PTK2B: variants seen among roughly 807,000 people sequenced by gnomAD.
The protein encoded by PTK2B is protein-tyrosine kinase 2-beta.
Under a neutral mutation model 142.9 loss-of-function variants are expected in PTK2B, and 71 were observed. The ratio of observed to expected loss-of-function variants is 0.50; its 90% CI spans 0.41 to 0.61. The LOEUF is 0.61. Ranked by LOEUF, PTK2B falls within the 20% of genes least tolerant of loss-of-function variation. The pLI is 0.00. For missense variants in PTK2B, 1,105 were observed against 1,320.4 expected (o/e 0.84, Z 2.53); for synonymous variants, 519 against 503.4 (o/e 1.03, Z -0.42).
rs372161863 is a variant in PTK2B, at chr8:27,436,264, C to G, written c.1257C>G (p.Gly419=). 2 of 1,614,148 alleles carry G rather than the reference C, an allele frequency of 1.2e-6. No homozygotes were observed. Among genetic ancestry groups the G allele is most frequent in the Admixed American group, 3.3e-5 (2 of 60,022 alleles). ...CTGTCTGTGCAGGTCCACAGTATGG[C>G]ATTGCCCGTGAAGATGTGGTCCTGA... ...TLRRPGGPQY[G]IAREDVVLNR... Residue 419 remains glycine (G), a synonymous_variant, in exon 15 of 31, where the codon GGC becomes GGG. Coordinates refer to ENST00000346049, the MANE Select transcript of PTK2B (RefSeq NM_173176.3).
At chr8:27,453,295 G>A (rs1811936607) in intron 28 of PTK2B, 135 bp downstream of exon 28, 2 of 1,213,632 alleles carry the variant, frequency 1.6e-6, no homozygotes, top group South Asian at 1.4e-5. Flanking sequence ...GAAGCCCGGG[G>A]TTAGGGGGCG....
At chr8:27,428,629 A>G (rs1810225456) in intron 5 of PTK2B, among the ~76,000 whole-genome samples, 1 of 152,162 alleles carries the variant, frequency 6.6e-6, no homozygotes, top group Admixed American at 6.5e-5. Flanking sequence ...CTTCCTGTGC[A>G]TTGAAGGATG....
intron 30 of PTK2B, among the ~76,000 whole-genome samples, chr8:27,456,579 C>T (rs1015894599): frequency 3.3e-5 from 5 of 152,170 alleles, no homozygotes; most frequent in African/African-American, 7.2e-5. Context: ...CAATTAAGAA[C>T]CCTACAGCGG....
chr8:27,364,233 T>C (rs1285191559), intron 1 of PTK2B, among the ~76,000 whole-genome samples: 1 of 152,218 alleles, frequency 6.6e-6, no homozygotes, highest in Non-Finnish European at 1.5e-5. Flanking sequence ...CTGCCTTCCA[T>C]GCGATGCACC....
At chr8:27,420,585 C>T in intron 3 of PTK2B, 72 bp from the exon 4 acceptor site, 1 of 1,438,390 alleles carries the variant, frequency 7.0e-7, no homozygotes, top group South Asian at 1.1e-5. Flanking sequence ...TTGCTTCTGC[C>T]CTTGGGGTCC....
chr8:27,313,704 C>A (rs75445205), intron 3 of PTK2B, among the ~76,000 whole-genome samples: 1 of 152,132 alleles, frequency 6.6e-6, no homozygotes, highest in African/African-American at 2.4e-5. Context: ...GGAATGCCCC[C>A]GGAAGGTCAT....
intron 3 of PTK2B, among the ~76,000 whole-genome samples, chr8:27,320,363 C>A (rs1803184522): frequency 6.6e-6 from 1 of 152,142 alleles, no homozygotes; most frequent in Non-Finnish European, 1.5e-5. Context: ...ACACTATCTA[C>A]CTGGAGATAG....
chr8:27,435,781 C>A lies in PTK2B; in HGVS notation c.1231C>A (p.Arg411=). Residue 411 remains arginine (R), a synonymous_variant, in exon 14 of 31, where the codon CGA becomes AGA. Coordinates refer to ENST00000346049, the MANE Select transcript of PTK2B (RefSeq NM_173176.3). ...IYAEIPDETL[R]RPGGPQYGIA... is the part of the protein sequence containing the mutation. ...CGCAGAGATTCCCGACGAAACCCTG[C>A]GAAGGCCCGGAGGTAGGTTCTCGAC... The A allele has an allele frequency of 1.2e-6, 2 of 1,614,072 alleles. No individual in the cohort carries two copies. The highest frequency in any genetic ancestry group is 1.1e-5 in the South Asian group (1 of 91,086).
At chr8:27,443,655 C>T (rs901619200) in intron 22 of PTK2B, among the ~76,000 whole-genome samples, 4 of 152,174 alleles carry the variant, frequency 2.6e-5, no homozygotes, top group African/African-American at 9.7e-5. Context: ...CCCTAATTAC[C>T]TCCAAAAACC....
chr8:27,455,099 C>T (rs1281189417), intron 30 of PTK2B, among the ~76,000 whole-genome samples: 3 of 152,144 alleles, frequency 2.0e-5, no homozygotes, highest in Non-Finnish European at 4.4e-5. Context: ...AAGATGTCCA[C>T]ATCCTAAGCC....
chr8:27,326,435 C>A (rs1209211294), intron 1 of PTK2B, among the ~76,000 whole-genome samples: 1 of 152,194 alleles, frequency 6.6e-6, no homozygotes, highest in Non-Finnish European at 1.5e-5. Context: ...CTGCCCTAAG[C>A]CTCGACCACA....
chr8:27,352,094 C>CG (rs991441293), intron 1 of PTK2B, among the ~76,000 whole-genome samples: 4 of 152,178 alleles, frequency 2.6e-5, no homozygotes, highest in East Asian at 3.9e-4. Context: ...GGACCCACGG[C>CG]GGGGGGGCTG....
chr8:27,311,199 G>A (rs774551484), upstream of PTK2B: 1 of 1,595,240 alleles, frequency 6.3e-7, no homozygotes, highest in Non-Finnish European at 8.5e-7. Flanking sequence ...TTGAAGGAGC[G>A]GGAAGGCCCG....
intron 18 of PTK2B, 61 bp from the exon 19 acceptor site, chr8:27,438,970 C>T: frequency 4.2e-6 from 6 of 1,433,456 alleles, no homozygotes; most frequent in Non-Finnish European, 5.9e-6. Context: ...GTCCATCTCT[C>T]TGTTCCTGCT....
At chr8:27,418,682 G>A (rs779319325) in intron 2 of PTK2B, among the ~76,000 whole-genome samples, 4 of 152,196 alleles carry the variant, frequency 2.6e-5, no homozygotes, top group Admixed American at 1.3e-4. Context: ...TCTGTCAGGA[G>A]TGAGCTCAAT....
At chr8:27,446,559 T>G (rs577621768) in intron 24 of PTK2B, among the ~76,000 whole-genome samples, 1 of 152,220 alleles carries the variant, frequency 6.6e-6, no homozygotes, top group East Asian at 1.9e-4. Flanking sequence ...AAAAGACACT[T>G]TTGCTTATAA....
intron 3 of PTK2B, among the ~76,000 whole-genome samples, chr8:27,314,011 G>C (rs989008754): frequency 2.6e-5 from 4 of 152,122 alleles, no homozygotes; most frequent in African/African-American, 7.2e-5. Context: ...GATTGGGGAG[G>C]GTAGAGTCCT....
intron 1 of PTK2B, among the ~76,000 whole-genome samples, chr8:27,329,746 T>G (rs935837935): frequency 2.0e-5 from 3 of 152,156 alleles, no homozygotes; most frequent in Non-Finnish European, 4.4e-5. Context: ...CTGATATGCC[T>G]TATCTGTCCA....
intron 1 of PTK2B, among the ~76,000 whole-genome samples, chr8:27,335,514 C>A (rs1804002980): frequency 6.6e-6 from 1 of 151,796 alleles, no homozygotes; most frequent in Non-Finnish European, 1.5e-5. Context: ...ATGGCTTGAA[C>A]CCAGTAGGCG....
Sources: gnomAD v4.1 joint callset for allele counts (sites outside exome capture counted in the v4.1 genomes callset) on GRCh38, gnomAD v4.1.1 for gene constraint, MANE v1.5 for transcripts, NCBI Gene and HGNC (gene_info 2026-07-23, HGNC 2026-07-21) for gene names.